The following PLCZ1 variants were observed in gnomAD, a reference collection of about 807,000 sequenced individuals.
The protein encoded by PLCZ1 is 1-phosphatidylinositol 4,5-bisphosphate phosphodiesterase zeta-1.
In PLCZ1, 64 loss-of-function variants were observed where a neutral mutation model predicts 76.8. The observed-to-expected ratio is 0.83, with a 90% CI of 0.68 to 1.03. The LOEUF is 1.03. Ranked by LOEUF, PLCZ1 falls within the 50% of genes least tolerant of loss-of-function variation. The pLI is 0.00. For synonymous variants in PLCZ1, 248 were observed against 230.8 expected, an observed-to-expected ratio of 1.07 and a Z score of -0.68; for missense variants, 751 against 713.7, an observed-to-expected ratio of 1.05 and a Z score of -0.60.
the PLCZ1 span, among the ~76,000 whole-genome samples, chr12:18,676,070 C>A: frequency 3.9e-5 from 6 of 152,002 alleles, no homozygotes; most frequent in Admixed American, 2.0e-4. Flanking sequence ...AGTCAATAGA[C>A]CTGTGTCTTT....
At chr12:18,726,359 G>A (rs958590664) in intron 3 of PLCZ1, among the ~76,000 whole-genome samples, 2 of 151,982 alleles carry the variant, frequency 1.3e-5, no homozygotes, top group Non-Finnish European at 2.9e-5. Context: ...GTTATTCTTT[G>A]CAAAGCATTA....
the PLCZ1 span, among the ~76,000 whole-genome samples, chr12:18,656,523 C>T: frequency 6.6e-6 from 1 of 152,140 alleles, no homozygotes; most frequent in Non-Finnish European, 1.5e-5. Flanking sequence ...CAAGATCACA[C>T]CACTGGACTC....
chr12:18,708,854 C>G (rs542788256), intron 6 of PLCZ1, among the ~76,000 whole-genome samples: 1 of 151,982 alleles, frequency 6.6e-6, no homozygotes, highest in African/African-American at 2.4e-5. Context: ...ATTTTTTAAT[C>G]AAGTTTTTTT....
the PLCZ1 span, among the ~76,000 whole-genome samples, chr12:18,663,190 CTT>C: frequency 6.6e-6 from 1 of 151,956 alleles, no homozygotes; most frequent in Admixed American, 6.6e-5. Flanking sequence ...AGGTTCATCA[CTT>C]TTATTCAACA....
chr12:18,679,932 C>T (rs1410673695), downstream of PLCZ1, among the ~76,000 whole-genome samples: 3 of 151,990 alleles, frequency 2.0e-5, no homozygotes, highest in East Asian at 3.9e-4. Context: ...CACTTCAATT[C>T]AACCCTCCAG....
intron 6 of PLCZ1, 79 bp from the exon 7 acceptor site, chr12:18,705,394 T>C (rs1177967878): frequency 3.3e-6 from 5 of 1,532,494 alleles, no homozygotes; most frequent in Non-Finnish European, 4.5e-6. Context: ...GTGCTTAATG[T>C]ATTTTAAAAC....
chr12:18,731,129 T>C (rs1439286856), intron 3 of PLCZ1: 1 of 152,130 alleles, frequency 6.6e-6, no homozygotes, highest in Non-Finnish European at 1.5e-5. Context: ...CTAAATGTTA[T>C]TGAGAGAAGT....
At chr12:18,709,325 T>C (rs1957016537) in intron 6 of PLCZ1, among the ~76,000 whole-genome samples, 1 of 152,132 alleles carries the variant, frequency 6.6e-6, no homozygotes, top group Non-Finnish European at 1.5e-5. Context: ...AGGTTGACCA[T>C]ATATGCTTAG....
intron 12 of PLCZ1, among the ~76,000 whole-genome samples, chr12:18,690,096 G>A (rs1388075031): frequency 2.0e-5 from 3 of 152,052 alleles, no homozygotes; most frequent in Non-Finnish European, 4.4e-5. Flanking sequence ...GAGCACATAT[G>A]TTCTCTTTAC....
At chr12:18,689,261 G>A (rs1953688118) in intron 12 of PLCZ1, among the ~76,000 whole-genome samples, 1 of 151,876 alleles carries the variant, frequency 6.6e-6, no homozygotes, top group Admixed American at 6.6e-5. Flanking sequence ...TCAGCTCGGT[G>A]TACCTCATTC....
intron 4 of PLCZ1, among the ~76,000 whole-genome samples, chr12:18,723,040 G>A (rs1385984609): frequency 6.6e-6 from 1 of 151,814 alleles, no homozygotes. Flanking sequence ...TCACCTCCAA[G>A]CTCATTTCTG....
At chr12:18,711,876 T>A (rs371474761) in intron 6 of PLCZ1, among the ~76,000 whole-genome samples, 6 of 152,096 alleles carry the variant, frequency 3.9e-5, no homozygotes, top group African/African-American at 1.4e-4. Context: ...TTTAGGAGAA[T>A]CAGTGCCATA....
chr12:18,711,305 G>A (rs369310053), intron 6 of PLCZ1, among the ~76,000 whole-genome samples: 1 of 142,376 alleles, frequency 7.0e-6, no homozygotes, highest in Admixed American at 7.5e-5. Flanking sequence ...AACACCGCAT[G>A]TTCTCACTCA....
At chr12:18,707,523 C>T (rs1184991070) in intron 6 of PLCZ1, among the ~76,000 whole-genome samples, 3 of 152,108 alleles carry the variant, frequency 2.0e-5, no homozygotes. Context: ...GAAAGCCAAG[C>T]AATGTTTGCC....
At chr12:18,676,207 G>T in the PLCZ1 span, among the ~76,000 whole-genome samples, 2 of 152,092 alleles carry the variant, frequency 1.3e-5, no homozygotes, top group Non-Finnish European at 2.9e-5. Context: ...AAAGAAACCA[G>T]GTCCTAATCA....
chr12:18,685,448 T>C, intron 13 of PLCZ1: 1 of 205,326 alleles, frequency 4.9e-6, no homozygotes. Context: ...ACAAAGGCAA[T>C]GCTACACTTG....
the PLCZ1 span, among the ~76,000 whole-genome samples, chr12:18,659,321 C>A: frequency 1 from 151,697 of 152,228 alleles, 75,585 homozygotes; most frequent in Middle Eastern, 1. Flanking sequence ...CAAAAGTAGT[C>A]AGACAAAATA....
Position 18,737,351 on chromosome 12 carries a change from C to T in PLCZ1, c.11+10G>A. ...AAGAAGAGGAGCAGAAAGAAGCTCT[C>T]AATGGATATCTCATTTCCATAGTTT... On this transcript the variant is annotated intron_variant, in intron 2 of 14. Coordinates refer to ENST00000266505, the MANE Select transcript of PLCZ1 (RefSeq NM_033123.4). 2 of 1,612,818 alleles carry T rather than the reference C, an allele frequency of 1.2e-6. No individual in the cohort carries two copies. Among genetic ancestry groups the T allele is most frequent in the Non-Finnish European group, 1.7e-6 (2 of 1,178,874 alleles).
chr12:18,683,454 A>C, intron 14 of PLCZ1, 130 bp from the exon 15 acceptor site: 1 of 1,427,056 alleles, frequency 7.0e-7, no homozygotes, highest in Non-Finnish European at 9.7e-7. Flanking sequence ...TTATATTCCC[A>C]TCTGGTATAT....
Sources: gnomAD v4.1 joint callset for allele counts (sites outside exome capture counted in the v4.1 genomes callset) on GRCh38, gnomAD v4.1.1 for gene constraint, MANE v1.5 for transcripts, NCBI Gene and HGNC (gene_info 2026-07-23, HGNC 2026-07-21) for gene names.